The following ZNF483 variants were observed in gnomAD, a reference collection of about 807,000 sequenced individuals.
ZNF483 encodes the protein zinc finger protein 483, also known as zinc finger protein HIT-10.
Under a neutral mutation model 28.6 loss-of-function variants are expected in ZNF483, and 9 were observed. The observed-to-expected ratio is 0.32, with a 90% CI of 0.19 to 0.55. The LOEUF is 0.55. ZNF483 is among the 20% of genes least tolerant of loss of function. The pLI is 0.93. For missense variants in ZNF483, 675 were observed against 871.7 expected (o/e 0.77, Z 2.84); for synonymous variants, 322 against 306.2 (o/e 1.05, Z -0.54).
chr9:111,571,664 GTT>G (rs1828828091), intron 5 of ZNF483, among the ~76,000 whole-genome samples: 5 of 82,608 alleles, frequency 6.1e-5, no homozygotes, highest in Non-Finnish European at 1.6e-4. Flanking sequence ...GTTTTTGTTT[GTT>G]TGTTTGTTTG....
rs1828040852 is a variant in ZNF483 at position 111,553,795 on chromosome 9, A to G, written c.*10625A>G. On this transcript the variant is annotated 3_prime_UTR_variant, in exon 6 of 6. Transcript: ENST00000309235. ...GGCACTGTGTGGATTTCCATTTCTC[A>G]CTAGCCTCAAGTGACTACCATATTA... is the stretch of plus-strand genomic sequence containing the variant. Among the ~76,000 whole-genome samples the G allele has an allele frequency of 6.6e-6, 1 of 152,220 alleles. No homozygotes were observed. Among genetic ancestry groups the G allele is most frequent in the Non-Finnish European group, 1.5e-5 (1 of 68,036 alleles).
rs150168589 is a variant in ZNF483, at chr9:111,567,736, C to T, written c.722-8629C>T. On this transcript the variant is annotated intron_variant, in intron 5 of 5. Coordinates refer to the ZNF483 transcript ENST00000358151. ...ATTTGATTTGTGCCTTAACAGATCG[C>T]TATGGCCACCACATTGGGAATTGTC... 2.3e-3 allele frequency among the ~76,000 whole-genome samples: 352 copies of T among 152,262 alleles called. 13 individuals carry two copies. In the East Asian group the frequency reaches 0.062, roughly 27 times the overall value.
At chr9:111,526,262 T>TAG (rs1323094492) in intron 1 of ZNF483, among the ~76,000 whole-genome samples, 2 of 152,074 alleles carry the variant, frequency 1.3e-5, no homozygotes, top group Admixed American at 1.3e-4. Flanking sequence ...GGAGAGTATG[T>TAG]AGAGAGAGAG....
intron 5 of ZNF483, among the ~76,000 whole-genome samples, chr9:111,568,704 C>T (rs10980951): frequency 0.28 from 43,015 of 152,108 alleles, 7,359 homozygotes; most frequent in Non-Finnish European, 0.4. Context: ...TATGTGGTGT[C>T]GCCCCCAGCA....
rs1212900794 is a variant in ZNF483, at chr9:111,527,226, G to GT, written c.-128-35dup. On this transcript the variant is annotated intron_variant, in intron 1 of 5. Coordinates refer to ENST00000309235, the MANE Select transcript of ZNF483 (RefSeq NM_133464.5). The stretch of plus-strand genomic sequence containing the variant: ...AACGATGTTTTTAGGACTAACAACA[G>GT]TTTTTTTACTTATTTAATGCCTTAA... The GT allele has an allele frequency of 2.0e-5, 13 of 649,670 alleles. No homozygotes were observed. The Admixed American group carries it at 2.5e-4, about 13-fold the overall frequency. 40.2% of individuals were successfully genotyped at this position (649,670 alleles called of 1,614,324 possible). A position where few individuals can be genotyped will look rare whatever the true frequency, so the allele number is the denominator to read the frequency against.
chr9:111,566,779 G>C lies in ZNF483; in HGVS notation c.722-9586G>C, dbSNP rs551996456. Among the ~76,000 whole-genome samples, 4 of 152,262 alleles carry C rather than the reference G, an allele frequency of 2.6e-5. 1 individual carries two copies. The South Asian group carries it at 8.3e-4, about 32-fold the overall frequency. ...AAATGTATGAATATGCTGTCTTCAT[G>C]GAGGTTACATCCTCAAGAAGGGAGA... On this transcript the variant is annotated intron_variant, in intron 5 of 5. Transcript: ENST00000358151.
At chr9:111,562,991 A>G (rs959224945) in intron 5 of ZNF483, 1 of 1,428,838 alleles carries the variant, frequency 7.0e-7, no homozygotes, top group Non-Finnish European at 9.1e-7. Flanking sequence ...AATGTATTTT[A>G]TTAAGTAGCT....
intron 5 of ZNF483, among the ~76,000 whole-genome samples, chr9:111,567,915 T>C (rs1205440371): frequency 2.0e-5 from 3 of 152,220 alleles, no homozygotes; most frequent in African/African-American, 4.8e-5. Context: ...CCCAAATTAA[T>C]ACTTTTATAA....
At chr9:111,530,809 ATATAT>A (rs1304856096) in intron 2 of ZNF483, 61 bp from the exon 3 acceptor site, 4 of 138,046 alleles carry the variant, frequency 2.9e-5, no homozygotes, top group African/African-American at 1.5e-4. Context: ...ATACATATAT[ATATAT>A]AAGATTTTTA....
At chr9:111,573,068 C>T (rs535749951) in intron 5 of ZNF483, among the ~76,000 whole-genome samples, 11 of 152,196 alleles carry the variant, frequency 7.2e-5, no homozygotes, top group African/African-American at 2.2e-4. Context: ...TAAAATGGAA[C>T]GGACAAGGCC....
chr9:111,538,628 C>A (rs1421858101), intron 5 of ZNF483, among the ~76,000 whole-genome samples: 1 of 152,040 alleles, frequency 6.6e-6, no homozygotes, highest in East Asian at 1.9e-4. Flanking sequence ...AGGAATTTAA[C>A]AAATGGATTC....
intron 5 of ZNF483, chr9:111,574,634 T>C (rs1828976806): frequency 4.1e-6 from 3 of 729,676 alleles, no homozygotes; most frequent in Non-Finnish European, 6.5e-6. Context: ...TATATGAAAA[T>C]CTTTCTAATA....
chr9:111,574,916 C>T, intron 5 of ZNF483: 1 of 1,171,016 alleles, frequency 8.5e-7, no homozygotes, highest in East Asian at 2.5e-5. Flanking sequence ...AAGTCACAAG[C>T]ATTATTTTAC....
At position 111,554,758 on chromosome 9, in the gene ZNF483, G is replaced by C. The variant is rs916891078; in HGVS notation, c.*11588G>C. Among the ~76,000 whole-genome samples the C allele has an allele frequency of 1.3e-4, 20 of 152,064 alleles. No homozygotes were observed. Among genetic ancestry groups the C allele is most frequent in the African/African-American group, 4.8e-4 (20 of 41,392 alleles). ...TGGAATTTTCTATTTAAAATTTTGG[G>C]GCCAAGATTGAGGGTAACTGAAACC... is the stretch of plus-strand genomic sequence containing the variant. On this transcript the variant is annotated 3_prime_UTR_variant, in exon 6 of 6. Transcript: ENST00000309235.
chr9:111,542,431 A>G lies in ZNF483; in HGVS notation c.1496A>G (p.Asp499Gly), dbSNP rs1827697247. ...HSGEKPFKCDDCGKGFTLSAH... is the reference protein window; with the variant it reads ...HSGEKPFKCDGCGKGFTLSAH... ...GGAGAGAAACCCTTCAAATGTGATG[A>G]CTGTGGGAAAGGTTTCACCCTAAGT... The change falls in exon 6 of 6, where the codon GAC becomes GGC. Residue 499 changes from aspartate to glycine, a missense_variant. Around this residue, in one of 6 missense-constraint regions of ZNF483, gnomAD observed 525 missense variants for 581.8 expected, o/e 0.90. Transcript: ENST00000309235. The surrounding 1 kb of genome is among the most constrained non-coding windows in gnomAD (Gnocchi z 6.2). 1 of 1,614,184 alleles carries G rather than the reference A, an allele frequency of 6.2e-7. No individual in the cohort carries two copies. Among genetic ancestry groups the G allele is most frequent in the Non-Finnish European group, 8.5e-7 (1 of 1,180,010 alleles).
intron 5 of ZNF483, chr9:111,562,906 G>C (rs897067660): frequency 7.6e-6 from 10 of 1,318,272 alleles, no homozygotes; most frequent in African/African-American, 1.5e-5. Context: ...AGAAGAAGCT[G>C]TAGTGAACAG....
chr9:111,574,651 G>A, intron 5 of ZNF483: 1 of 785,266 alleles, frequency 1.3e-6, no homozygotes, highest in African/African-American at 1.8e-5. Context: ...AATAATTTCA[G>A]AGTCACTGGC....
At position 111,543,765 on chromosome 9, in the gene ZNF483, C is replaced by CA. The variant is rs1459339115; in HGVS notation, c.*595_*596insA. The CA allele has an allele frequency of 6.5e-5, 49 of 752,074 alleles. No individual in the cohort carries two copies. Among genetic ancestry groups the CA allele is most frequent in the Admixed American group, 8.5e-5 (1 of 11,832 alleles). 46.6% of individuals were successfully genotyped at this position (752,074 alleles called of 1,614,324 possible). A position where few individuals can be genotyped will look rare whatever the true frequency, so the allele number is the denominator to read the frequency against. ...CTATTCAGGATGCTGGACTTCTTTT[C>CA]TTTTTTTTTTCTTTTTTTTTTTTCA... On this transcript the variant is annotated 3_prime_UTR_variant, in exon 6 of 6. Transcript: ENST00000309235.
In ZNF483 at chr9:111,552,053, GT is replaced by G. The variant is rs1446243757; in HGVS notation, c.*8888del. Among the ~76,000 whole-genome samples the G allele has an allele frequency of 6.6e-6, 1 of 152,154 alleles. No individual in the cohort carries two copies. The highest frequency in any genetic ancestry group is 6.5e-5 in the Admixed American group (1 of 15,282). On this transcript the variant is annotated 3_prime_UTR_variant, in exon 6 of 6. Transcript: ENST00000309235. Reference sequence around the variant, plus strand: ...TTTTACCTGTCTAGCCAGGTCACAAGTTTTTCCCATTTTAGGAGCTTCAAAT... The same window carrying G: ...TTTTACCTGTCTAGCCAGGTCACAAGTTTTCCCATTTTAGGAGCTTCAAAT...
Sources: gnomAD v4.1 joint callset for allele counts (sites outside exome capture counted in the v4.1 genomes callset) on GRCh38, gnomAD v4.1.1 for gene constraint, gnomAD v4.1.1 regional missense constraint, Gnocchi (gnomAD v3.1) non-coding constraint, MANE v1.5 for transcripts, NCBI Gene and HGNC (gene_info 2026-07-23, HGNC 2026-07-21) for gene names.